FBXL7: variants seen among roughly 807,000 people sequenced by gnomAD.
FBXL7 encodes F-box and leucine rich repeat protein 7, also known as F-box/LRR-repeat protein 7.
Under a neutral mutation model 38.3 loss-of-function variants are expected in FBXL7, and 12 were observed. The observed-to-expected ratio is 0.31, with a 90% CI of 0.20 to 0.51. The LOEUF (loss-of-function observed/expected upper bound fraction) is 0.51. Ranked by LOEUF, FBXL7 falls within the 20% of genes least tolerant of loss-of-function variation. The probability of loss-of-function intolerance (pLI) is 0.98; values close to 1 mark genes in which losing one functional copy is unlikely to be tolerated. For missense variants in FBXL7, 567 were observed against 676.4 expected (o/e 0.84, Z 1.79); for synonymous variants, 297 against 300.9 (o/e 0.99, Z 0.13).
At chr5:15,894,682 G>T (rs1741038552) in intron 2 of FBXL7, among the ~76,000 whole-genome samples, 1 of 152,128 alleles carries the variant, frequency 6.6e-6, no homozygotes, top group African/African-American at 2.4e-5. Context: ...TTTTTAGTAG[G>T]TATGTATGGA....
At chr5:15,689,538 C>T (rs1335389580) in intron 2 of FBXL7, among the ~76,000 whole-genome samples, 2 of 152,034 alleles carry the variant, frequency 1.3e-5, no homozygotes, top group South Asian at 2.1e-4. Context: ...TGACCTTGGG[C>T]AAGATATTTA....
intron 1 of FBXL7, among the ~76,000 whole-genome samples, chr5:15,505,065 G>T (rs758384379): frequency 6.6e-6 from 1 of 152,168 alleles, no homozygotes; most frequent in African/African-American, 2.4e-5. Context: ...ATCTCAGATC[G>T]GTGCTGTCAG....
intron 2 of FBXL7, among the ~76,000 whole-genome samples, chr5:15,786,695 A>C (rs1410932562): frequency 6.6e-6 from 1 of 152,200 alleles, no homozygotes; most frequent in Non-Finnish European, 1.5e-5. Context: ...CAAAGGTATT[A>C]TTTGATTAAA....
intron 2 of FBXL7, among the ~76,000 whole-genome samples, chr5:15,675,596 T>C (rs1194058393): frequency 6.6e-6 from 1 of 152,392 alleles, no homozygotes; most frequent in Non-Finnish European, 1.5e-5. Flanking sequence ...CTATTGACCA[T>C]GTGGCTTTGC....
intron 2 of FBXL7, among the ~76,000 whole-genome samples, chr5:15,743,026 C>T (rs1252345297): frequency 6.6e-6 from 1 of 152,150 alleles, no homozygotes; most frequent in Non-Finnish European, 1.5e-5. Flanking sequence ...CACTGGGTTC[C>T]TCCCATGACA....
chr5:15,725,314 A>G (rs1413018317), intron 2 of FBXL7, among the ~76,000 whole-genome samples: 1 of 152,100 alleles, frequency 6.6e-6, no homozygotes, highest in Non-Finnish European at 1.5e-5. Context: ...CATATCCCAT[A>G]CATTTTGGTA....
intron 2 of FBXL7, among the ~76,000 whole-genome samples, chr5:15,874,836 G>T (rs1408622047): frequency 6.6e-6 from 1 of 152,138 alleles, no homozygotes. Context: ...TGGCCATACT[G>T]CCCAAAGTAA....
At chr5:15,877,135 T>C (rs1389106203) in intron 2 of FBXL7, among the ~76,000 whole-genome samples, 3 of 152,208 alleles carry the variant, frequency 2.0e-5, no homozygotes, top group Non-Finnish European at 4.4e-5. Flanking sequence ...CATCCCATTT[T>C]TCCTGAAAAG....
At chr5:15,835,522 T>C (rs1309545565) in intron 2 of FBXL7, among the ~76,000 whole-genome samples, 1 of 152,210 alleles carries the variant, frequency 6.6e-6, no homozygotes, top group Admixed American at 6.5e-5. Context: ...TTTTTGAATG[T>C]CTACTAAGCG....
rs2402164 is a variant in FBXL7, at chr5:15,507,871, G to T, written c.37+7158G>T. On this transcript the variant is annotated intron_variant, in intron 1 of 3. Transcript: ENST00000504595. ...CAGCATGGCCAACGTGGTGAAACCC[G>T]GTGTCTACTAAAAATACAAAAATTA... is the stretch of plus-strand genomic sequence containing the variant. 1.3e-5 allele frequency among the ~76,000 whole-genome samples: 2 copies of T among 151,656 alleles called. 1 individual carries two copies. The highest frequency in any genetic ancestry group is 4.2e-4 in the South Asian group (2 of 4,800).
Position 15,616,210 on chromosome 5 carries a change from G to A in FBXL7, c.127+138G>A, listed in dbSNP as rs533348539. ...GATCTTAAAAATGAGGATGTTCAGG[G>A]TCTCCTAAGTTTTGTTGTTGTTGTT... On this transcript the variant is annotated intron_variant, in intron 2 of 3. Transcript: ENST00000504595. The A allele has an allele frequency of 5.2e-3, 2,858 of 550,378 alleles. 13 individuals are homozygous for A. The highest frequency in any genetic ancestry group is 7.7e-3 in the Non-Finnish European group (2,428 of 315,058). 34.1% of individuals were successfully genotyped at this position (550,378 alleles called of 1,614,324 possible). A position where few individuals can be genotyped will look rare whatever the true frequency, so the allele number is the denominator to read the frequency against.
intron 1 of FBXL7, among the ~76,000 whole-genome samples, chr5:15,612,614 G>C (rs1336613153): frequency 6.6e-6 from 1 of 152,144 alleles, no homozygotes; most frequent in African/African-American, 2.4e-5. Context: ...CCTGCCATGA[G>C]TTATATTGTC....
chr5:15,787,122 C>A (rs1737151962), intron 2 of FBXL7, among the ~76,000 whole-genome samples: 1 of 152,178 alleles, frequency 6.6e-6, no homozygotes, highest in African/African-American at 2.4e-5. Context: ...GGGAGTGCCG[C>A]CCCACCTTGA....
chr5:15,682,724 C>G (rs1742887301), intron 2 of FBXL7, among the ~76,000 whole-genome samples: 1 of 152,148 alleles, frequency 6.6e-6, no homozygotes, highest in African/African-American at 2.4e-5. Context: ...CCAAAGGGCT[C>G]TTGGTTAAGG....
At chr5:15,624,645 C>T (rs1740751068) in intron 2 of FBXL7, among the ~76,000 whole-genome samples, 1 of 152,182 alleles carries the variant, frequency 6.6e-6, no homozygotes, top group African/African-American at 2.4e-5. Context: ...AAGTTAACAT[C>T]ATTTTCGAGC....
intron 2 of FBXL7, among the ~76,000 whole-genome samples, chr5:15,662,742 T>C (rs1165359208): frequency 6.6e-6 from 1 of 152,214 alleles, no homozygotes; most frequent in African/African-American, 2.4e-5. Context: ...CCCAGCACCA[T>C]TTATTGAATG....
intron 2 of FBXL7, among the ~76,000 whole-genome samples, chr5:15,741,966 A>G (rs1735904665): frequency 6.6e-6 from 1 of 152,140 alleles, no homozygotes; most frequent in Non-Finnish European, 1.5e-5. Context: ...AATCAGAGGT[A>G]ATGGTTTTAC....
At chr5:15,924,708 C>G (rs1208432517) in intron 2 of FBXL7, among the ~76,000 whole-genome samples, 1 of 150,324 alleles carries the variant, frequency 6.7e-6, no homozygotes, top group Non-Finnish European at 1.5e-5. Flanking sequence ...CCTCCAACCT[C>G]TGCCTCCTGG....
intron 2 of FBXL7, among the ~76,000 whole-genome samples, chr5:15,700,079 G>T (rs1743474337): frequency 6.6e-6 from 1 of 152,136 alleles, no homozygotes; most frequent in Non-Finnish European, 1.5e-5. Flanking sequence ...TAAAATTAAA[G>T]GTGTTGTCGA....
Sources: gnomAD v4.1 joint callset for allele counts (sites outside exome capture counted in the v4.1 genomes callset) on GRCh38, gnomAD v4.1.1 for gene constraint, MANE v1.5 for transcripts, NCBI Gene and HGNC (gene_info 2026-07-23, HGNC 2026-07-21) for gene names.